ELP3: variants seen among roughly 807,000 people sequenced by gnomAD.
The protein encoded by ELP3 is elongator complex protein 3.
Under a neutral mutation model 74.9 loss-of-function variants are expected in ELP3, and 56 were observed. The ratio of observed to expected loss-of-function variants is 0.75; its 90% CI spans 0.60 to 0.93. The LOEUF is 0.93. Among genes scored for constraint, ELP3 ranks in the 40% least tolerant of loss-of-function variants. The pLI is 0.00. For missense variants in ELP3, 573 were observed against 686.5 expected (o/e 0.83, Z 1.85); for synonymous variants, 222 against 239.8 (o/e 0.93, Z 0.68).
At chr8:28,126,108 G>A (rs896361835) in intron 7 of ELP3, among the ~76,000 whole-genome samples, 2 of 152,128 alleles carry the variant, frequency 1.3e-5, no homozygotes, top group African/African-American at 4.8e-5. Context: ...CTGTCCAGAT[G>A]GAGAGACAGA....
intron 11 of ELP3, among the ~76,000 whole-genome samples, chr8:28,157,351 C>T (rs896815955): frequency 2.7e-5 from 4 of 147,184 alleles, no homozygotes; most frequent in African/African-American, 7.5e-5. Flanking sequence ...AACAGTAATA[C>T]ATTCCCATGC....
chr8:28,139,920 G>C (rs756147746), intron 10 of ELP3, among the ~76,000 whole-genome samples: 8 of 152,172 alleles, frequency 5.3e-5, no homozygotes, highest in Non-Finnish European at 8.8e-5. Context: ...ATTCCAACCT[G>C]GGTGACAAAA....
chr8:28,098,617 C>G (rs1312104650), intron 2 of ELP3, among the ~76,000 whole-genome samples: 1 of 152,192 alleles, frequency 6.6e-6, no homozygotes, highest in East Asian at 1.9e-4. Context: ...AAAACTCGCC[C>G]CTCCTCAGAT....
intron 10 of ELP3, among the ~76,000 whole-genome samples, chr8:28,145,789 A>G (rs570478054): frequency 8.5e-5 from 13 of 152,102 alleles, no homozygotes; most frequent in Non-Finnish European, 1.8e-4. Flanking sequence ...GCGCCCAGCT[A>G]ATTTTTATAC....
intron 7 of ELP3, among the ~76,000 whole-genome samples, chr8:28,117,670 A>G (rs921626051): frequency 1.3e-5 from 2 of 152,188 alleles, no homozygotes; most frequent in Non-Finnish European, 2.9e-5. Flanking sequence ...GAATTCTGCC[A>G]ACACACACTT....
chr8:28,161,507 G>A (rs1310500067), intron 13 of ELP3, among the ~76,000 whole-genome samples: 1 of 151,902 alleles, frequency 6.6e-6, no homozygotes, highest in Admixed American at 6.6e-5. Flanking sequence ...CTGGGAGGCG[G>A]AGGTTGCAGT....
intron 14 of ELP3, among the ~76,000 whole-genome samples, chr8:28,162,557 C>A (rs1403343625): frequency 6.6e-6 from 1 of 152,176 alleles, no homozygotes; most frequent in African/African-American, 2.4e-5. Flanking sequence ...GAACAGCTTT[C>A]CCCTGTTTGG....
intron 14 of ELP3, among the ~76,000 whole-genome samples, chr8:28,163,510 A>G (rs1814184259): frequency 6.8e-6 from 1 of 146,168 alleles, no homozygotes; most frequent in South Asian, 2.2e-4. Flanking sequence ...CATTATCCAG[A>G]CAGATTCCTA....
At chr8:28,155,866 T>C (rs1223720006) in intron 10 of ELP3, 76 bp from the exon 11 acceptor site, 1 of 1,234,890 alleles carries the variant, frequency 8.1e-7, no homozygotes, top group East Asian at 2.4e-5. Context: ...TTTTTAACTT[T>C]TTTAATATCC....
At chr8:28,148,349 T>G (rs923269150) in intron 10 of ELP3, among the ~76,000 whole-genome samples, 9 of 152,202 alleles carry the variant, frequency 5.9e-5, no homozygotes, top group Non-Finnish European at 8.8e-5. Context: ...GGGGAAATGG[T>G]GACCATGGTG....
At chr8:28,178,360 C>G (rs1019400651) in intron 14 of ELP3, among the ~76,000 whole-genome samples, 2 of 152,166 alleles carry the variant, frequency 1.3e-5, no homozygotes, top group Non-Finnish European at 2.9e-5. Flanking sequence ...TGGCCCTTCC[C>G]TCTTCCTTCC....
At chr8:28,166,594 A>C (rs1418638272) in intron 14 of ELP3, among the ~76,000 whole-genome samples, 1 of 152,222 alleles carries the variant, frequency 6.6e-6, no homozygotes, top group Non-Finnish European at 1.5e-5. Flanking sequence ...TCCTTTAAAA[A>C]TGTTAACATG....
At chr8:28,159,752 A>G (rs768417643) in intron 12 of ELP3, among the ~76,000 whole-genome samples, 5 of 152,228 alleles carry the variant, frequency 3.3e-5, no homozygotes, top group Non-Finnish European at 5.9e-5. Flanking sequence ...AATTTCGTCA[A>G]GGTGCAGGTG....
At chr8:28,096,298 A>G (rs1436266084) in intron 1 of ELP3, among the ~76,000 whole-genome samples, 1 of 152,278 alleles carries the variant, frequency 6.6e-6, no homozygotes, top group African/African-American at 2.4e-5. Context: ...TAATAAAAAT[A>G]AAGTGCACAA....
At chr8:28,149,505 G>T (rs553630390) in intron 10 of ELP3, among the ~76,000 whole-genome samples, 3 of 152,078 alleles carry the variant, frequency 2.0e-5, no homozygotes, top group Non-Finnish European at 4.4e-5. Flanking sequence ...TTTAATGTTC[G>T]TGGGCTCCGT....
At chr8:28,098,879 C>T (rs1171099851) in intron 2 of ELP3, among the ~76,000 whole-genome samples, 1 of 152,194 alleles carries the variant, frequency 6.6e-6, no homozygotes, top group Non-Finnish European at 1.5e-5. Flanking sequence ...GAATATCTCC[C>T]CAGCACACAT....
At chr8:28,183,779 G>A (rs1230995081) in intron 14 of ELP3, among the ~76,000 whole-genome samples, 1 of 152,230 alleles carries the variant, frequency 6.6e-6, no homozygotes, top group African/African-American at 2.4e-5. Context: ...GCCGCTGCAT[G>A]GAGTGAGTTC....
intron 3 of ELP3, among the ~76,000 whole-genome samples, chr8:28,100,521 G>A (rs931337225): frequency 2.0e-5 from 3 of 152,254 alleles, no homozygotes; most frequent in Non-Finnish European, 4.4e-5. Context: ...AGGGCGTGGT[G>A]CACGCAGGAA....
Position 28,162,052 on chromosome 8 carries a change from G to A in ELP3, c.1541G>A (p.Gly514Glu). The change falls in exon 14 of 15, where the codon GGG (glycine) becomes GAG (glutamate). Residue 514 changes from glycine (G) to glutamate (E), a missense_variant. Gly to Glu is a moderately conservative substitution (Grantham distance 98). Coordinates refer to ENST00000256398, the MANE Select transcript of ELP3 (RefSeq NM_018091.6). ...GAAAGAATAGCTAGAGAAGAACATG[G>A]GTCTGGGAAAATCGCTGTGATATCA... ...EAERIAREEH[G>E]SGKIAVISGV... 6.2e-7 allele frequency: 1 copy of A among 1,614,172 alleles called. No homozygotes were observed. The highest frequency in any genetic ancestry group is 8.5e-7 in the Non-Finnish European group (1 of 1,180,012).
Sources: gnomAD v4.1 joint callset for allele counts (sites outside exome capture counted in the v4.1 genomes callset) on GRCh38, gnomAD v4.1.1 for gene constraint, MANE v1.5 for transcripts, NCBI Gene and HGNC (gene_info 2026-07-23, HGNC 2026-07-21) for gene names.